Variants in B9D1 observed in about 807,000 individuals in gnomAD.
The protein encoded by B9D1 is B9 domain-containing protein 1.
In B9D1, 20 loss-of-function variants were observed where a neutral mutation model predicts 26.1. That is an observed-to-expected ratio of 0.77 (90% CI 0.54 to 1.12). The LOEUF (loss-of-function observed/expected upper bound fraction) is 1.12, where lower values mean the gene tolerates loss of function less well. B9D1 is among the 50% of genes most tolerant of loss of function. B9D1 has a pLI of 0.00. For synonymous variants in B9D1, 105 were observed against 103.1 expected (o/e 1.02, Z -0.11); for missense variants, 260 against 273.7 (o/e 0.95, Z 0.35).
At chr17:19,353,390 C>T (rs1011258855) in intron 3 of B9D1, among the ~76,000 whole-genome samples, 1 of 151,922 alleles carries the variant, frequency 6.6e-6, no homozygotes. Flanking sequence ...GTAATCCCAG[C>T]ACTTTGGGAG....
downstream of B9D1, chr17:19,337,678 CAG>C: frequency 1.3e-6 from 2 of 1,522,192 alleles, no homozygotes; most frequent in Non-Finnish European, 1.8e-6. Context: ...TCACAGAAGT[CAG>C]TGACTCAGGG....
downstream of B9D1, among the ~76,000 whole-genome samples, chr17:19,340,388 T>A (rs569568960): frequency 1.0e-4 from 15 of 145,910 alleles, no homozygotes; most frequent in Non-Finnish European, 2.3e-4. Flanking sequence ...GCCAGGCTGG[T>A]CTTAACAGTC....
Position 19,347,383 on chromosome 17 carries a change from G to T in B9D1, c.342-52C>A. The T allele has an allele frequency of 6.2e-7, 1 of 1,601,646 alleles. No individual in the cohort carries two copies. Among genetic ancestry groups the T allele is most frequent in the African/African-American group, 1.3e-5 (1 of 74,766 alleles). ...GATGCTGAGTAAGAGACCTTTCTGA[G>T]CCTCCAGGGAGAAGAAACCCTCAGA... On this transcript the variant is annotated intron_variant, in intron 4 of 6. Transcript: ENST00000261499. The surrounding 1 kb of genome is among the most constrained non-coding windows in gnomAD (Gnocchi z 4.3).
At chr17:19,360,197 G>T (rs1910862958) in intron 2 of B9D1, 123 bp downstream of exon 2, 2 of 893,126 alleles carry the variant, frequency 2.2e-6, no homozygotes, top group African/African-American at 1.6e-5. Flanking sequence ...ACTCATGTTT[G>T]GGTTCCCCTG....
downstream of B9D1, chr17:19,337,431 C>G (rs1360994415): frequency 2.8e-6 from 1 of 356,480 alleles, no homozygotes; most frequent in Non-Finnish European, 5.2e-6. Flanking sequence ...TGAGACGAGC[C>G]TGGAGGGAGG....
chr17:19,361,557 C>A (rs1268805396), intron 1 of B9D1, among the ~76,000 whole-genome samples: 1 of 151,962 alleles, frequency 6.6e-6, no homozygotes, highest in African/African-American at 2.4e-5. Context: ...CAGCCGAGAG[C>A]CCCTAATAGG....
downstream of B9D1, among the ~76,000 whole-genome samples, chr17:19,341,945 A>AT (rs1908016183): frequency 6.6e-6 from 1 of 152,166 alleles, no homozygotes; most frequent in Non-Finnish European, 1.5e-5. Flanking sequence ...AGCACAGGGA[A>AT]GCGCCACATG....
chr17:19,360,280 G>A (rs1454186608), intron 2 of B9D1, 40 bp downstream of exon 2: 5 of 1,596,602 alleles, frequency 3.1e-6, no homozygotes, highest in Non-Finnish European at 4.3e-6. Context: ...AACCCCAAAA[G>A]TCATGAAGGC....
chr17:19,340,066 C>T (rs941829698), downstream of B9D1, among the ~76,000 whole-genome samples: 3 of 150,478 alleles, frequency 2.0e-5, no homozygotes, highest in African/African-American at 2.4e-5. Context: ...CGGGCACTCG[C>T]GCCTTCAGCC....
chr17:19,337,383 C>T (rs1029010770), downstream of B9D1, among the ~76,000 whole-genome samples: 17 of 152,178 alleles, frequency 1.1e-4, no homozygotes, highest in African/African-American at 3.1e-4. Context: ...GAGGCAGAGG[C>T]GGCTGGGAGA....
intron 3 of B9D1, among the ~76,000 whole-genome samples, chr17:19,350,076 C>T (rs188868934): frequency 6.6e-6 from 1 of 151,664 alleles, no homozygotes; most frequent in African/African-American, 2.4e-5. Flanking sequence ...CACGCCACTG[C>T]ACTCCAGCCT....
chr17:19,373,572 T>A (rs1567913571), intron 1 of B9D1, among the ~76,000 whole-genome samples: 1 of 152,032 alleles, frequency 6.6e-6, no homozygotes, highest in East Asian at 1.9e-4. Context: ...TTGTATTTTG[T>A]ATTTTTAGCA....
chr17:19,350,121 AAAG>A lies in B9D1; in HGVS notation c.245-2244_245-2242del, dbSNP rs1240270910. Among the ~76,000 whole-genome samples, 4 of 152,088 alleles carry A rather than the reference AAAG, an allele frequency of 2.6e-5. No homozygotes were observed. The East Asian group carries it at 7.8e-4, about 30-fold the overall frequency. On this transcript the variant is annotated intron_variant, in intron 3 of 6. Transcript: ENST00000261499. ...AGCGAAATTCTGTCTCAAAAAAAAA[AAAG>A]ACCAGGCTGGGAGCAGTGGCTCATG... is the stretch of plus-strand genomic sequence containing the variant.
rs528764630 is a variant in B9D1 at position 19,353,959 on chromosome 17, A to G, written c.244+3881T>C. ...CTGTCTCAAAAAATTAAATAAATAA[A>G]TAAAAATTAAAAATAAAATAAAATG... is the stretch of plus-strand genomic sequence containing the variant. On this transcript the variant is annotated intron_variant, in intron 3 of 6. Transcript: ENST00000261499. Among the ~76,000 whole-genome samples the G allele has an allele frequency of 2.6e-5, 4 of 152,316 alleles. No homozygotes were observed. The South Asian group carries it at 8.3e-4, about 32-fold the overall frequency.
chr17:19,363,443 T>C (rs1204066204), upstream of B9D1, among the ~76,000 whole-genome samples: 3 of 152,182 alleles, frequency 2.0e-5, no homozygotes, highest in East Asian at 5.8e-4. Flanking sequence ...ACTAACTTGT[T>C]GATAAATGAA....
At chr17:19,377,709 G>T in intron 1 of B9D1, 2 of 339,566 alleles carry the variant, frequency 5.9e-6, no homozygotes, top group Non-Finnish European at 8.4e-6. Context: ...TCGGATTTTG[G>T]GGTGGGTCGG....
intron 3 of B9D1, among the ~76,000 whole-genome samples, chr17:19,349,642 G>A (rs529696331): frequency 3.3e-5 from 5 of 152,204 alleles, no homozygotes; most frequent in South Asian, 2.1e-4. Flanking sequence ...TCAGCCTCCC[G>A]AAGTGCAGGG....
Position 19,370,289 on chromosome 17 carries a change from TGTC to T in B9D1, c.-298+7567_-298+7569del, listed in dbSNP as rs1911828181. On this transcript the variant is annotated intron_variant, in intron 1 of 5. Transcript: ENST00000477478. The surrounding 1 kb of genome is among the most constrained non-coding windows in gnomAD (Gnocchi z 5.1). ...CTTCTCAGGGTGCACACGGGGGAGA[TGTC>T]GTAGGACAACTGGGTGTTGGATCTG... Among the ~76,000 whole-genome samples, 1 of 152,192 alleles carries T rather than the reference TGTC, an allele frequency of 6.6e-6. No individual in the cohort carries two copies. Among genetic ancestry groups the T allele is most frequent in the African/African-American group, 2.4e-5 (1 of 41,458 alleles).
At chr17:19,350,456 T>G (rs570059617) in intron 3 of B9D1, among the ~76,000 whole-genome samples, 41 of 151,688 alleles carry the variant, frequency 2.7e-4, no homozygotes, top group African/African-American at 9.7e-4. Flanking sequence ...TGAGGCAGAA[T>G]TGCTTGAACC....
Sources: allele counts gnomAD v4.1 joint callset (sites outside exome capture counted in the v4.1 genomes callset), GRCh38; gene constraint gnomAD v4.1.1; non-coding constraint Gnocchi (gnomAD v3.1); transcripts MANE v1.5; gene names NCBI Gene and HGNC (gene_info 2026-07-23, HGNC 2026-07-21).